The following RTN4R variants were observed in gnomAD, a reference collection of about 807,000 sequenced individuals.
RTN4R encodes reticulon 4 receptor, also known as reticulon-4 receptor.
In RTN4R, 4 loss-of-function variants were observed where a neutral mutation model predicts 27.7. The ratio of observed to expected loss-of-function variants is 0.14; its 90% CI spans 0.07 to 0.33. RTN4R has a LOEUF of 0.33. Among genes scored for constraint, RTN4R ranks in the 10% least tolerant of loss-of-function variants. The pLI, the probability that RTN4R is intolerant of heterozygous loss-of-function variation, is 1.00. For missense variants in RTN4R, 554 were observed against 671.5 expected (o/e 0.83, Z 1.93); for synonymous variants, 290 against 305.6 (o/e 0.95, Z 0.53).
chr22:20,243,217 T>C, intron 1 of RTN4R, 107 bp from the exon 2 acceptor site: 1 of 1,148,440 alleles, frequency 8.7e-7, no homozygotes, highest in Non-Finnish European at 1.2e-6. Flanking sequence ...CAGGAGGACC[T>C]GGGGCTGGGT....
In RTN4R at chr22:20,241,550, G is replaced by C; in HGVS notation, c.*161C>G. 1.4e-6 allele frequency: 1 copy of C among 722,664 alleles called. No individual in the cohort carries two copies. The allele number at this position is 722,664 out of a possible 1,614,324, so 44.8% of individuals were successfully genotyped here. A position where few individuals can be genotyped will look rare whatever the true frequency, so the allele number is the denominator to read the frequency against. On this transcript the variant is annotated 3_prime_UTR_variant, in exon 2 of 2. Coordinates refer to ENST00000043402, the MANE Select transcript of RTN4R (RefSeq NM_023004.6). ...CGCTGCCGCCGAACCCTGTAAACAT[G>C]ATGGGGTGGAGATGGGGGTGGCGGG...
At position 20,244,256 on chromosome 22, in the gene RTN4R, G is replaced by A. The variant is rs138825557; in HGVS notation, c.23-1146C>T. 5.8e-3 allele frequency among the ~76,000 whole-genome samples: 887 copies of A among 152,348 alleles called. 7 individuals are homozygous for A. Among genetic ancestry groups the A allele is most frequent in the Non-Finnish European group, 9.2e-3 (628 of 68,032 alleles). ...CCGGCTAAGTGCTGGGGTTGGAGCC[G>A]GGCAGGAGGAAGGAGTGGACCACAG... On this transcript the variant is annotated intron_variant, in intron 1 of 1. Coordinates refer to ENST00000043402, the MANE Select transcript of RTN4R (RefSeq NM_023004.6).
At chr22:20,260,157 G>A (rs901761184) in intron 1 of RTN4R, among the ~76,000 whole-genome samples, 9 of 152,282 alleles carry the variant, frequency 5.9e-5, no homozygotes, top group Middle Eastern at 3.4e-3. Flanking sequence ...TGAGGGAACT[G>A]TGGCAGTCCT....
chr22:20,251,100 C>T (rs1346253012), intron 1 of RTN4R, among the ~76,000 whole-genome samples: 4 of 152,130 alleles, frequency 2.6e-5, no homozygotes, highest in Non-Finnish European at 4.4e-5. Flanking sequence ...GAGGCTGGGC[C>T]GAGGCCTCTC....
chr22:20,267,520 C>G (rs1190319324), intron 1 of RTN4R: 1 of 434,990 alleles, frequency 2.3e-6, no homozygotes, highest in Non-Finnish European at 4.8e-6. Flanking sequence ...CTCCTCTCAC[C>G]GCCCGCCCTG....
At chr22:20,262,651 A>T (rs1403909147) in intron 1 of RTN4R, among the ~76,000 whole-genome samples, 3 of 152,178 alleles carry the variant, frequency 2.0e-5, no homozygotes, top group East Asian at 3.9e-4. Flanking sequence ...CCCACACCCC[A>T]CACACTGAGG....
At chr22:20,251,474 T>C (rs2145977509) in intron 1 of RTN4R, among the ~76,000 whole-genome samples, 1 of 152,136 alleles carries the variant, frequency 6.6e-6, no homozygotes, top group African/African-American at 2.4e-5. Flanking sequence ...TTTTCTGTCC[T>C]TGTTATCATC....
chr22:20,261,773 C>T (rs2145984548), intron 1 of RTN4R, among the ~76,000 whole-genome samples: 1 of 152,360 alleles, frequency 6.6e-6, no homozygotes, highest in East Asian at 1.9e-4. Context: ...CATCCTCAAG[C>T]TAGGCCTGGG....
At chr22:20,267,992 T>C in intron 1 of RTN4R, 79 bp downstream of exon 1, 1 of 864,132 alleles carries the variant, frequency 1.2e-6, no homozygotes, top group Non-Finnish European at 1.5e-6. Flanking sequence ...GGACGGGCCC[T>C]GCGGCTCCGG....
Position 20,242,044 on chromosome 22 carries a change from C to T in RTN4R, c.1089G>A (p.Val363=). The T allele has an allele frequency of 1.2e-6, 2 of 1,612,270 alleles. No individual in the cohort carries two copies. The highest frequency in any genetic ancestry group is 1.7e-6 in the Non-Finnish European group (2 of 1,179,886). Reference sequence around the variant, plus strand: ...TGCCCGGCGGGCTGTCACCGGGCGGCACGCGTCCCTTCAGCGCATTGCCTG... The same window carrying T: ...TGCCCGGCGGGCTGTCACCGGGCGGTACGCGTCCCTTCAGCGCATTGCCTG... ...ASAGNALKGR[V]PPGDSPPGNG... Residue 363 remains valine, a synonymous_variant, in exon 2 of 2, where the codon GTG becomes GTA. Transcript: ENST00000043402.
At chr22:20,245,493 G>T (rs968800868) in intron 1 of RTN4R, among the ~76,000 whole-genome samples, 8 of 152,090 alleles carry the variant, frequency 5.3e-5, no homozygotes, top group Admixed American at 1.3e-4. Context: ...GCAGCCAGGT[G>T]GGGGGAGGGT....
Position 20,242,670 on chromosome 22 carries a change from C to T in RTN4R, c.463G>A (p.Ala155Thr). 6.2e-7 allele frequency: 1 copy of T among 1,612,524 alleles called. No homozygotes were observed. The highest frequency in any genetic ancestry group is 8.5e-7 in the Non-Finnish European group (1 of 1,179,758). The change falls in exon 2 of 2, where the codon GCC becomes ACC. Residue 155 changes from alanine (A) to threonine (T), a missense_variant. By Grantham distance (58) the Ala-to-Thr change is moderately conservative. Around this residue, in one of 2 missense-constraint regions of RTN4R, gnomAD observed 413 missense variants for 542.3 expected, o/e 0.76. Coordinates refer to ENST00000043402, the MANE Select transcript of RTN4R (RefSeq NM_023004.6). ...TCCTGCAGGTAGAGGTACTGCAGGG[C>T]AGCCAGGCCGCGGAACAGCCCCGGG... ...LGPGLFRGLA[A>T]LQYLYLQDNA... is the part of the protein sequence containing the mutation.
intron 1 of RTN4R, among the ~76,000 whole-genome samples, chr22:20,244,019 A>C (rs927912089): frequency 1.3e-5 from 2 of 152,156 alleles, no homozygotes; most frequent in Non-Finnish European, 2.9e-5. Flanking sequence ...CTCCGGAGTA[A>C]GCTTTCCTGC....
chr22:20,247,945 TCTTTGCCCTGGCCGGCAGGGCTCGTC>T (rs1169165737), intron 1 of RTN4R, among the ~76,000 whole-genome samples: 1 of 152,096 alleles, frequency 6.6e-6, no homozygotes, highest in Non-Finnish European at 1.5e-5. Flanking sequence ...TCGGCTCCAC[TCTTTGCCCTGGCCGGCAGGGCTCGTC>T]CCTGCCCCGT....
chr22:20,255,509 T>C lies in RTN4R; in HGVS notation c.23-12399A>G, dbSNP rs927521290. ...GGTCTCCCAGGACACTATGGGCTCT[T>C]GGCCCCAGAGACTCTGCAATCCAGA... is the stretch of plus-strand genomic sequence containing the variant. On this transcript the variant is annotated intron_variant, in intron 1 of 1. Coordinates refer to ENST00000043402, the MANE Select transcript of RTN4R (RefSeq NM_023004.6). This position sits in a 1 kb window ranked among gnomAD's most constrained non-coding sequence, Gnocchi z 4.8. Among the ~76,000 whole-genome samples, 2 of 152,208 alleles carry C rather than the reference T, an allele frequency of 1.3e-5. No individual in the cohort carries two copies. Among genetic ancestry groups the C allele is most frequent in the African/African-American group, 4.8e-5 (2 of 41,456 alleles).
rs1339551853 is a variant in RTN4R at position 20,257,515 on chromosome 22, GC to G, written c.22+10555del. Among the ~76,000 whole-genome samples the G allele has an allele frequency of 2.6e-5, 4 of 152,298 alleles. No homozygotes were observed. In the East Asian group the frequency reaches 7.7e-4, roughly 29 times the overall value. ...CACGTGAGGGCACGGTAAGGAGGTGGCTACCTGCAAGCCAGGAAGGGAACTT... is the reference window on the plus strand; with the variant it reads ...CACGTGAGGGCACGGTAAGGAGGTGGTACCTGCAAGCCAGGAAGGGAACTT... On this transcript the variant is annotated intron_variant, in intron 1 of 1. Coordinates refer to ENST00000043402, the MANE Select transcript of RTN4R (RefSeq NM_023004.6).
At position 20,242,299 on chromosome 22, in the gene RTN4R, G is replaced by A. The variant is rs1396289344; in HGVS notation, c.834C>T (p.Phe278=). 2 of 1,605,938 alleles carry A rather than the reference G, an allele frequency of 1.2e-6. No individual in the cohort carries two copies. The highest frequency in any genetic ancestry group is 1.7e-5 in the Admixed American group (1 of 58,518). The part of the protein sequence containing the change: ...ARPLWAWLQK[F]RGSSSEVPCS... ...AGGGCACCTCGGAGGAGGAGCCGCG[G>A]AACTTCTGCAGCCAGGCCCAGAGTG... The change falls in exon 2 of 2, where the codon TTC becomes TTT. Residue 278 remains phenylalanine, a synonymous_variant. Transcript: ENST00000043402.
At chr22:20,254,044 C>T (rs948438357) in intron 1 of RTN4R, among the ~76,000 whole-genome samples, 10 of 152,094 alleles carry the variant, frequency 6.6e-5, no homozygotes, top group African/African-American at 2.4e-4. Flanking sequence ...AAGCTGAGTA[C>T]CCAGTCCTCC....
chr22:20,259,115 G>A lies in RTN4R; in HGVS notation c.22+8956C>T, dbSNP rs964873660. Among the ~76,000 whole-genome samples, 6 of 152,264 alleles carry A rather than the reference G, an allele frequency of 3.9e-5. No individual in the cohort carries two copies. The South Asian group carries it at 1.2e-3, about 32-fold the overall frequency. The stretch of plus-strand genomic sequence containing the variant: ...GGTGGGCAGCTCGGGGTTGGGGACA[G>A]GCCAAGGCATAGGGGAGGGCACAAA... On this transcript the variant is annotated intron_variant, in intron 1 of 1. Coordinates refer to ENST00000043402, the MANE Select transcript of RTN4R (RefSeq NM_023004.6).
Sources: gnomAD v4.1 joint callset for allele counts (sites outside exome capture counted in the v4.1 genomes callset) on GRCh38, gnomAD v4.1.1 for gene constraint, gnomAD v4.1.1 regional missense constraint, Gnocchi (gnomAD v3.1) non-coding constraint, MANE v1.5 for transcripts, NCBI Gene and HGNC (gene_info 2026-07-23, HGNC 2026-07-21) for gene names.